SMURF1: variants seen among roughly 807,000 people sequenced by gnomAD.
SMURF1 encodes SMAD specific E3 ubiquitin protein ligase 1, also known as E3 ubiquitin-protein ligase SMURF1.
A neutral mutation model predicts 98.0 loss-of-function variants in SMURF1; 44 were observed. The ratio of observed to expected loss-of-function variants is 0.45; its 90% CI spans 0.35 to 0.58. The LOEUF (loss-of-function observed/expected upper bound fraction) is 0.58. Ranked by LOEUF, SMURF1 falls within the 20% of genes least tolerant of loss-of-function variation. The pLI, the probability that SMURF1 is intolerant of heterozygous loss-of-function variation, is 0.00. For missense variants in SMURF1, 687 were observed against 938.4 expected (o/e 0.73, Z 3.50); for synonymous variants, 396 against 374.9 (o/e 1.06, Z -0.65).
chr7:99,071,223 C>A (rs1274163219), intron 1 of SMURF1, among the ~76,000 whole-genome samples: 1 of 152,106 alleles, frequency 6.6e-6, no homozygotes, highest in African/African-American at 2.4e-5. Flanking sequence ...CCATGCCCGG[C>A]TAATTTTTGT....
At chr7:99,115,305 G>A (rs1797413247) in intron 1 of SMURF1, among the ~76,000 whole-genome samples, 1 of 152,044 alleles carries the variant, frequency 6.6e-6, no homozygotes, top group Admixed American at 6.6e-5. Flanking sequence ...ATGAAAGTGG[G>A]GACACGGGCC....
chr7:99,059,204 C>T (rs913945706), intron 3 of SMURF1, among the ~76,000 whole-genome samples: 3 of 151,040 alleles, frequency 2.0e-5, no homozygotes, highest in Admixed American at 6.6e-5. Flanking sequence ...TCGAGACCAT[C>T]CCGGCTAAAA....
At chr7:99,116,414 G>A (rs1797454957) in intron 1 of SMURF1, among the ~76,000 whole-genome samples, 1 of 152,104 alleles carries the variant, frequency 6.6e-6, no homozygotes, top group Non-Finnish European at 1.5e-5. Context: ...TGGAATGGAA[G>A]AAGTAAAACT....
At chr7:99,032,758 G>A (rs1166634856) in intron 17 of SMURF1, 1 of 448,038 alleles carries the variant, frequency 2.2e-6, no homozygotes, top group African/African-American at 2.0e-5. Flanking sequence ...TAGCAATAAT[G>A]TTGGCCCTCT....
intron 1 of SMURF1, among the ~76,000 whole-genome samples, chr7:99,076,182 G>C (rs576382260): frequency 3.3e-5 from 5 of 152,358 alleles, no homozygotes; most frequent in Admixed American, 6.5e-5. Context: ...TGGGATTACA[G>C]GCGTGGGCCC....
At chr7:99,063,772 A>G (rs1280090027) in intron 1 of SMURF1, among the ~76,000 whole-genome samples, 1 of 140,954 alleles carries the variant, frequency 7.1e-6, no homozygotes, top group Non-Finnish European at 1.6e-5. Context: ...TGGGTTTATC[A>G]ATATACTTTT....
chr7:99,053,327 G>C (rs911522152), intron 6 of SMURF1, among the ~76,000 whole-genome samples: 3 of 152,030 alleles, frequency 2.0e-5, no homozygotes, highest in South Asian at 4.2e-4. Flanking sequence ...ACCCCTCCCA[G>C]CTAACCATCA....
At chr7:99,047,297 G>A (rs539021171) in intron 10 of SMURF1, among the ~76,000 whole-genome samples, 3 of 152,318 alleles carry the variant, frequency 2.0e-5, no homozygotes, top group Admixed American at 6.5e-5. Flanking sequence ...TGGGGAAAGC[G>A]CAGATTGCAG....
intron 10 of SMURF1, among the ~76,000 whole-genome samples, chr7:99,046,173 A>G (rs1242056478): frequency 6.6e-6 from 1 of 152,196 alleles, no homozygotes; most frequent in Non-Finnish European, 1.5e-5. Context: ...AAGACATTAG[A>G]AAGTCTGAAT....
chr7:99,087,658 G>A (rs1178859636), intron 1 of SMURF1, among the ~76,000 whole-genome samples: 4 of 152,284 alleles, frequency 2.6e-5, no homozygotes, highest in African/African-American at 9.6e-5. Context: ...GAAAAGCAAC[G>A]ATAGTGCAAG....
At chr7:99,085,768 T>C (rs530919216) in intron 1 of SMURF1, among the ~76,000 whole-genome samples, 1 of 152,326 alleles carries the variant, frequency 6.6e-6, no homozygotes, top group East Asian at 1.9e-4. Context: ...ATTCTCCCCG[T>C]CCCCTTGGCA....
intron 2 of SMURF1, among the ~76,000 whole-genome samples, chr7:99,061,166 A>AC (rs1220296982): frequency 6.6e-6 from 1 of 152,244 alleles, no homozygotes; most frequent in Non-Finnish European, 1.5e-5. Context: ...AGAGATGGAC[A>AC]CGAGCCACCA....
chr7:99,108,438 C>T (rs894524782), intron 1 of SMURF1, among the ~76,000 whole-genome samples: 16 of 151,354 alleles, frequency 1.1e-4, no homozygotes, highest in African/African-American at 3.6e-4. Flanking sequence ...GGTGAAACCC[C>T]GTCTCTACTA....
chr7:99,080,160 G>GA (rs1406400317), intron 1 of SMURF1, among the ~76,000 whole-genome samples: 1 of 152,160 alleles, frequency 6.6e-6, no homozygotes, highest in African/African-American at 2.4e-5. Context: ...TAGCTAGAAT[G>GA]AAACATTTTC....
chr7:99,124,100 T>G (rs1797698569), intron 1 of SMURF1, among the ~76,000 whole-genome samples: 1 of 152,248 alleles, frequency 6.6e-6, no homozygotes, highest in Admixed American at 6.5e-5. Context: ...CGACCTATCT[T>G]GTGAGTTTAT....
chr7:99,030,605 G>C lies in SMURF1; in HGVS notation c.2175C>G (p.Thr725=), dbSNP rs771691738. Residue 725 remains threonine (T), a synonymous_variant, in exon 18 of 18, where the codon ACC becomes ACG. Coordinates refer to ENST00000361368, the MANE Select transcript of SMURF1 (RefSeq NM_181349.3). ...CTTTTCACTCCACAGCAAACCCGCAGGTCTCCTCCACGGCTGTCAGCAGCT... is the reference window on the plus strand; with the variant it reads ...CTTTTCACTCCACAGCAAACCCGCACGTCTCCTCCACGGCTGTCAGCAGCT... ...YEKLLTAVEE[T]CGFAVE The C allele has an allele frequency of 6.2e-7, 1 of 1,614,168 alleles. No homozygotes were observed. The highest frequency in any genetic ancestry group is 1.1e-5 in the South Asian group (1 of 91,084).
intron 3 of SMURF1, among the ~76,000 whole-genome samples, chr7:99,059,080 T>C (rs1403242683): frequency 5.3e-5 from 8 of 151,086 alleles, no homozygotes; most frequent in African/African-American, 2.0e-4. Flanking sequence ...CGAGACTCTG[T>C]TTGAAAAAAA....
intron 1 of SMURF1, among the ~76,000 whole-genome samples, chr7:99,085,353 CAAAAAA>C (rs992976220): frequency 3.8e-5 from 2 of 52,326 alleles, no homozygotes; most frequent in Non-Finnish European, 3.8e-5. Context: ...AACTCCATCT[CAAAAAA>C]AAAAAAAAAA....
rs1246233679 is a variant in SMURF1, at chr7:99,030,317, C to G, written c.*267G>C. 4.4e-6 allele frequency: 2 copies of G among 454,070 alleles called. No individual in the cohort carries two copies. Among genetic ancestry groups the G allele is most frequent in the East Asian group, 8.3e-5 (2 of 24,210 alleles). 28.1% of individuals were successfully genotyped at this position (454,070 alleles called of 1,614,324 possible). A position where few individuals can be genotyped will look rare whatever the true frequency, so the allele number is the denominator to read the frequency against. Reference sequence around the variant, plus strand: ...CAACACAGCAGAATATCCTGTGTGACCAAAGCCAAAGGCTAAACCTGGCTG... The same window carrying G: ...CAACACAGCAGAATATCCTGTGTGAGCAAAGCCAAAGGCTAAACCTGGCTG... On this transcript the variant is annotated 3_prime_UTR_variant, in exon 18 of 18. Coordinates refer to ENST00000361368, the MANE Select transcript of SMURF1 (RefSeq NM_181349.3).
Sources: gnomAD v4.1 joint callset for allele counts (sites outside exome capture counted in the v4.1 genomes callset) on GRCh38, gnomAD v4.1.1 for gene constraint, MANE v1.5 for transcripts, NCBI Gene and HGNC (gene_info 2026-07-23, HGNC 2026-07-21) for gene names.